The following NDUFA5 variants were observed in gnomAD, a reference collection of about 807,000 sequenced individuals.
NDUFA5 encodes the protein NADH:ubiquinone oxidoreductase subunit A5.
Under a neutral mutation model 19.8 loss-of-function variants are expected in NDUFA5, and 11 were observed. The observed-to-expected ratio is 0.56, with a 90% confidence interval of 0.35 to 0.92. NDUFA5 has a LOEUF of 0.92. Ranked by LOEUF, NDUFA5 falls within the 40% of genes least tolerant of loss-of-function variation. NDUFA5 has a pLI of 0.01. For synonymous variants in NDUFA5, 47 were observed against 46.8 expected (o/e 1.00, Z -0.01); for missense variants, 109 against 134.2 (o/e 0.81, Z 0.93).
the NDUFA5 span, among the ~76,000 whole-genome samples, chr7:123,583,206 T>A: frequency 3.3e-5 from 5 of 151,964 alleles, no homozygotes; most frequent in Admixed American, 3.3e-4. Flanking sequence ...GCTGGGGCAA[T>A]TATAACAACA....
chr7:123,585,345 C>G, the NDUFA5 span, among the ~76,000 whole-genome samples: 2 of 151,454 alleles, frequency 1.3e-5, no homozygotes, highest in Admixed American at 1.3e-4. Flanking sequence ...ACTTCCTCCC[C>G]CTATTCCCTA....
the NDUFA5 span, among the ~76,000 whole-genome samples, chr7:123,587,655 G>A: frequency 6.6e-6 from 1 of 151,326 alleles, no homozygotes; most frequent in Non-Finnish European, 1.5e-5. Flanking sequence ...CTTTTCACCT[G>A]TATGTTCACT....
the NDUFA5 span, among the ~76,000 whole-genome samples, chr7:123,587,595 C>T: frequency 1.3e-5 from 2 of 151,446 alleles, no homozygotes; most frequent in African/African-American, 2.4e-5. Flanking sequence ...ATAGAAGTGA[C>T]GAGAGAAGGC....
chr7:123,580,998 C>T, the NDUFA5 span, among the ~76,000 whole-genome samples: 1 of 151,970 alleles, frequency 6.6e-6, no homozygotes, highest in Non-Finnish European at 1.5e-5. Context: ...AACAGGCGTC[C>T]ATTCCTGTGT....
At chr7:123,555,809 C>T (rs994233626) in intron 2 of NDUFA5, 1 of 152,166 alleles carries the variant, frequency 6.6e-6, no homozygotes, top group Non-Finnish European at 1.5e-5. Context: ...ACCAGAGGGT[C>T]ACAGTAAGAA....
At chr7:123,587,511 C>T in the NDUFA5 span, among the ~76,000 whole-genome samples, 3 of 151,110 alleles carry the variant, frequency 2.0e-5, no homozygotes, top group Non-Finnish European at 4.4e-5. Context: ...TAACTTCTTC[C>T]TTTTCTATTT....
rs184053624 is a variant in NDUFA5 at position 123,548,070 on chromosome 7, A to G, written c.184-2394T>C. ...AGGGACACAAACAACGCTTTTCACC[A>G]AAATAGTACTATCTCCCTAGTAATA... On this transcript the variant is annotated intron_variant, in intron 3 of 4. Transcript: ENST00000355749. Among the ~76,000 whole-genome samples the G allele has an allele frequency of 4.6e-5, 7 of 152,320 alleles. No homozygotes were observed. In the East Asian group the frequency reaches 1.3e-3, roughly 29 times the overall value.
At chr7:123,592,542 A>G in the NDUFA5 span, among the ~76,000 whole-genome samples, 82 of 152,264 alleles carry the variant, frequency 5.4e-4, no homozygotes, top group African/African-American at 1.6e-3. Flanking sequence ...TTTGTTATGT[A>G]CCCAGTAGTC....
intron 1 of NDUFA5, 134 bp from the exon 2 acceptor site, chr7:123,557,582 T>G: frequency 1.2e-6 from 2 of 1,612,834 alleles, no homozygotes; most frequent in Non-Finnish European, 8.5e-7. Context: ...CAGTCTCGCT[T>G]GTTTGGAGCT....
chr7:123,600,710 A>C, the NDUFA5 span, among the ~76,000 whole-genome samples: 1 of 152,214 alleles, frequency 6.6e-6, no homozygotes, highest in Non-Finnish European at 1.5e-5. Flanking sequence ...AAGATGACTG[A>C]AACGCACCTT....
chr7:123,542,924 A>G (rs961550328), intron 4 of NDUFA5, among the ~76,000 whole-genome samples: 1 of 152,234 alleles, frequency 6.6e-6, no homozygotes. Context: ...ACAACAAACA[A>G]TATTTATGAC....
intron 2 of NDUFA5, 114 bp from the exon 3 acceptor site, chr7:123,550,700 T>C (rs995691622): frequency 4.7e-5 from 13 of 274,212 alleles, no homozygotes; most frequent in Non-Finnish European, 8.8e-5. Context: ...TTTTTTTTGC[T>C]TTTTTTTTTT....
the NDUFA5 span, among the ~76,000 whole-genome samples, chr7:123,601,338 T>TA: frequency 1.3e-5 from 2 of 152,192 alleles, no homozygotes; most frequent in Non-Finnish European, 2.9e-5. Flanking sequence ...TAGATGTCAC[T>TA]GACTGCCCTA....
rs1797783743 is a variant in NDUFA5 at position 123,537,396 on chromosome 7, T to G, written c.*4723A>C. 1 of 152,174 alleles carries G rather than the reference T, an allele frequency of 6.6e-6. No individual in the cohort carries two copies. Among genetic ancestry groups the G allele is most frequent in the South Asian group, 2.1e-4 (1 of 4,832 alleles). 9.4% of individuals were successfully genotyped at this position (152,174 alleles called of 1,614,324 possible). ...ATTTTTGTTTTGGAAATTATTTAGA[T>G]TAAATTTGGATCATAATACCACTTT... On this transcript the variant is annotated 3_prime_UTR_variant, in exon 5 of 5. Transcript: ENST00000355749.
At chr7:123,552,034 G>A (rs1798360141) in intron 2 of NDUFA5, among the ~76,000 whole-genome samples, 1 of 152,062 alleles carries the variant, frequency 6.6e-6, no homozygotes, top group African/African-American at 2.4e-5. Flanking sequence ...TTATAACAGT[G>A]AAAAGATACC....
chr7:123,594,287 G>A, the NDUFA5 span, among the ~76,000 whole-genome samples: 17 of 152,088 alleles, frequency 1.1e-4, no homozygotes, highest in East Asian at 1.2e-3. Context: ...CTGTCAACTC[G>A]TCAAACTCAT....
chr7:123,572,666 T>A, the NDUFA5 span, among the ~76,000 whole-genome samples: 1,273 of 152,142 alleles, frequency 8.4e-3, 18 homozygotes, highest in African/African-American at 0.029. Context: ...CACGGTTTTT[T>A]GTTTTTGTTA....
chr7:123,553,411 G>A (rs1209272275), intron 2 of NDUFA5, among the ~76,000 whole-genome samples: 2 of 152,146 alleles, frequency 1.3e-5, no homozygotes, highest in Non-Finnish European at 2.9e-5. Flanking sequence ...CACAAGAACA[G>A]CATGGGAAAA....
intron 4 of NDUFA5, among the ~76,000 whole-genome samples, chr7:123,543,133 G>C (rs1423447397): frequency 1.3e-5 from 2 of 152,164 alleles, no homozygotes; most frequent in Non-Finnish European, 2.9e-5. Flanking sequence ...ATGAGTTAAA[G>C]AGCAGATGAA....
Sources: gnomAD v4.1 joint callset for allele counts (sites outside exome capture counted in the v4.1 genomes callset) on GRCh38, gnomAD v4.1.1 for gene constraint, MANE v1.5 for transcripts, NCBI Gene and HGNC (gene_info 2026-07-23, HGNC 2026-07-21) for gene names.